PPP2R2D: variants seen among roughly 807,000 people sequenced by gnomAD.
The protein encoded by PPP2R2D is protein phosphatase 2 regulatory subunit Bdelta, also known as serine/threonine-protein phosphatase 2A 55 kDa regulatory subunit B delta isoform.
In PPP2R2D, 9 loss-of-function variants were observed where a neutral mutation model predicts 31.1. That is an observed-to-expected ratio of 0.29 (90% CI 0.17 to 0.51). The LOEUF is 0.51. Ranked by LOEUF, PPP2R2D falls within the 20% of genes least tolerant of loss-of-function variation. PPP2R2D has a pLI of 0.98. For missense variants in PPP2R2D, 391 were observed against 465.6 expected (o/e 0.84, Z 1.48); for synonymous variants, 179 against 172.6 (o/e 1.04, Z -0.29).
At chr10:131,961,484 T>C (rs894410290), downstream of PPP2R2D, among the ~76,000 whole-genome samples, 9 of 152,138 alleles carry the variant, frequency 5.9e-5, no homozygotes, top group Non-Finnish European at 1.3e-4. Flanking sequence ...ACCCTGGCCA[T>C]GGGTCACAGA....
chr10:131,914,900 A>C (rs1589925683), intron 2 of PPP2R2D, among the ~76,000 whole-genome samples: 1 of 152,286 alleles, frequency 6.6e-6, no homozygotes, highest in East Asian at 1.9e-4. Flanking sequence ...TGTAGGTATA[A>C]GGAGAAAAGT....
chr10:131,952,649 C>T (rs112054891), intron 8 of PPP2R2D, among the ~76,000 whole-genome samples: 898 of 25,462 alleles, frequency 0.035, 77 homozygotes, highest in East Asian at 0.085. Context: ...TAGTGACTTG[C>T]GGGTGTGCGG....
chr10:131,953,250 C>CG (rs1303805123), intron 8 of PPP2R2D, among the ~76,000 whole-genome samples: 3 of 23,958 alleles, frequency 1.3e-4, no homozygotes, highest in African/African-American at 1.8e-4. Flanking sequence ...CAGTGACTTG[C>CG]GGGGGGGTCC....
At chr10:131,966,606 G>C in the PPP2R2D span, 1 of 152,196 alleles carries the variant, frequency 6.6e-6, no homozygotes, top group Non-Finnish European at 1.5e-5. Flanking sequence ...TGCTCAGGCC[G>C]TGTGCACTAT....
At chr10:131,907,497 T>C (rs1215072232) in intron 2 of PPP2R2D, among the ~76,000 whole-genome samples, 1 of 151,994 alleles carries the variant, frequency 6.6e-6, no homozygotes, top group Non-Finnish European at 1.5e-5. Context: ...TCCCAGCACT[T>C]TGGGAGGCCG....
intron 2 of PPP2R2D, among the ~76,000 whole-genome samples, chr10:131,918,262 GTGTT>G (rs782751591): frequency 1.9e-4 from 27 of 145,186 alleles, no homozygotes; most frequent in African/African-American, 3.8e-4. Context: ...GAATGACACA[GTGTT>G]TGTAGGGACC....
chr10:131,932,660 A>AAAAAAAAAAAAAAC (rs2036260281), intron 2 of PPP2R2D, among the ~76,000 whole-genome samples: 1 of 149,642 alleles, frequency 6.7e-6, no homozygotes, highest in Non-Finnish European at 1.5e-5. Context: ...AAAAAAAAAA[A>AAAAAAAAAAAAAAC]AAAAAAAACA....
At chr10:131,905,108 G>A (rs2035561998) in intron 2 of PPP2R2D, among the ~76,000 whole-genome samples, 1 of 152,028 alleles carries the variant, frequency 6.6e-6, no homozygotes, top group African/African-American at 2.4e-5. Context: ...GAGCTCACAA[G>A]GAAGTTATTA....
Position 131,902,871 on chromosome 10 carries a change from GTC to G in PPP2R2D, c.100+1545_100+1546del, listed in dbSNP as rs1299843870. Among the ~76,000 whole-genome samples the G allele has an allele frequency of 2.8e-4, 43 of 152,202 alleles. No individual in the cohort carries two copies. The East Asian group carries it at 7.8e-3, about 27-fold the overall frequency. Reference sequence around the variant, plus strand: ...AGGCTCAAGCGATTCGCCCACCTCAGTCTCTGAAGTAGCTAGGACCACACACA... The same window carrying G: ...AGGCTCAAGCGATTCGCCCACCTCAGTCTGAAGTAGCTAGGACCACACACA... On this transcript the variant is annotated intron_variant, in intron 2 of 8. Coordinates refer to ENST00000455566, the MANE Select transcript of PPP2R2D (RefSeq NM_018461.5).
chr10:131,934,644 T>A, intron 3 of PPP2R2D, 89 bp downstream of exon 3: 1 of 716,294 alleles, frequency 1.4e-6, no homozygotes, highest in Admixed American at 2.0e-5. Flanking sequence ...ATTTTCTCAT[T>A]GTCTCATTTC....
chr10:131,934,906 C>T (rs1554896241), intron 3 of PPP2R2D: 1 of 459,272 alleles, frequency 2.2e-6, no homozygotes, highest in African/African-American at 2.0e-5. Flanking sequence ...ACTGGCCCAG[C>T]CCCGCCGTCC....
chr10:131,936,904 A>G (rs1589948971), intron 3 of PPP2R2D, among the ~76,000 whole-genome samples: 1 of 152,194 alleles, frequency 6.6e-6, no homozygotes, highest in African/African-American at 2.4e-5. Flanking sequence ...TGGTTGCCCC[A>G]TGTGCCCTTC....
In PPP2R2D at chr10:131,916,870, GTGTT is replaced by G. The variant is rs539346496; in HGVS notation, c.100+15544_100+15547del. Among the ~76,000 whole-genome samples the G allele has an allele frequency of 8.8e-3, 1,277 of 145,852 alleles. 24 individuals are homozygous for G. The highest frequency in any genetic ancestry group is 0.031 in the African/African-American group (1,203 of 38,846). On this transcript the variant is annotated intron_variant, in intron 2 of 8. Transcript: ENST00000455566. Reference sequence around the variant, plus strand: ...GGGACCTCAGGCGGGTGGAATGACAGTGTTTGTAGGGACCTCACGCAGGTGGAAT... The same window carrying G: ...GGGACCTCAGGCGGGTGGAATGACAGTGTAGGGACCTCACGCAGGTGGAAT...
intron 2 of PPP2R2D, among the ~76,000 whole-genome samples, chr10:131,917,182 T>G (rs1378041997): frequency 1.3e-4 from 8 of 63,008 alleles, no homozygotes; most frequent in East Asian, 1.1e-3. Flanking sequence ...GACACAGCGT[T>G]TGTAGGGACC....
At chr10:131,960,333 C>T (rs1299686741), downstream of PPP2R2D, among the ~76,000 whole-genome samples, 5 of 152,200 alleles carry the variant, frequency 3.3e-5, no homozygotes, top group African/African-American at 7.2e-5. Flanking sequence ...ATTCTGGGCC[C>T]GTGGTTCAGG....
chr10:131,941,529 T>C (rs1162521938), intron 5 of PPP2R2D, among the ~76,000 whole-genome samples: 1 of 151,724 alleles, frequency 6.6e-6, no homozygotes, highest in Admixed American at 6.6e-5. Context: ...GTTGGTTGTT[T>C]GGGTGGTTGG....
chr10:131,919,174 A>G lies in PPP2R2D; in HGVS notation c.101-15284A>G, dbSNP rs574702734. 2.1e-4 allele frequency among the ~76,000 whole-genome samples: 25 copies of G among 121,898 alleles called. 2 individuals carry two copies. Among genetic ancestry groups the G allele is most frequent in the Non-Finnish European group, 3.4e-4 (20 of 58,832 alleles). The allele number at this position is 121,898 out of a possible 152,430, so 80.0% of individuals were successfully genotyped here. A position where few individuals can be genotyped will look rare whatever the true frequency, so the allele number is the denominator to read the frequency against. Reference sequence around the variant, plus strand: ...AGTGTAGGGATCTCACGTGGGTGGAATGACACAGTGCTTGTAGCGACCTCA... The same window carrying G: ...AGTGTAGGGATCTCACGTGGGTGGAGTGACACAGTGCTTGTAGCGACCTCA... On this transcript the variant is annotated intron_variant, in intron 2 of 8. Coordinates refer to ENST00000455566, the MANE Select transcript of PPP2R2D (RefSeq NM_018461.5).
At chr10:131,923,075 G>A (rs1232903482) in intron 2 of PPP2R2D, among the ~76,000 whole-genome samples, 2 of 152,082 alleles carry the variant, frequency 1.3e-5, no homozygotes, top group African/African-American at 4.8e-5. Context: ...TCAGTTTTGT[G>A]GCCATCTGAA....
At chr10:131,961,620 C>G (rs1019652972), downstream of PPP2R2D, among the ~76,000 whole-genome samples, 1 of 152,198 alleles carries the variant, frequency 6.6e-6, no homozygotes, top group Non-Finnish European at 1.5e-5. Context: ...ACAGGACACC[C>G]AGGGCTCCTT....
Sources: allele counts gnomAD v4.1 joint callset (sites outside exome capture counted in the v4.1 genomes callset), GRCh38; gene constraint gnomAD v4.1.1; transcripts MANE v1.5; gene names NCBI Gene and HGNC (gene_info 2026-07-23, HGNC 2026-07-21).